Variants in EFCAB6 observed in about 807,000 individuals in gnomAD.
EFCAB6 encodes the protein EF-hand calcium-binding domain-containing protein 6.
Under a neutral mutation model 169.8 loss-of-function variants are expected in EFCAB6, and 156 were observed. That is an observed-to-expected ratio of 0.92 (90% CI 0.81 to 1.05). The LOEUF is 1.05. EFCAB6 is among the 50% of genes least tolerant of loss of function. The probability of loss-of-function intolerance (pLI) is 0.00; values close to 1 mark genes in which losing one functional copy is unlikely to be tolerated. For synonymous variants in EFCAB6, 698 were observed against 676.4 expected (o/e 1.03, Z -0.50); for missense variants, 1,800 against 1,829.1 (o/e 0.98, Z 0.29).
At chr22:43,805,573 G>GCTCT (rs1367840831) in intron 2 of EFCAB6, among the ~76,000 whole-genome samples, 1 of 152,206 alleles carries the variant, frequency 6.6e-6, no homozygotes, top group African/African-American at 2.4e-5. Flanking sequence ...AGAGGATGAA[G>GCTCT]AGAGGTTGAT....
intron 10 of EFCAB6, among the ~76,000 whole-genome samples, chr22:43,689,378 C>CACACAG (rs1030146132): frequency 3.3e-5 from 5 of 151,882 alleles, no homozygotes; most frequent in Non-Finnish European, 5.9e-5. Context: ...CACACACACA[C>CACACAG]AGCAGCATCT....
chr22:43,582,855 GA>G (rs1484381173), intron 24 of EFCAB6, among the ~76,000 whole-genome samples: 1 of 152,102 alleles, frequency 6.6e-6, no homozygotes, highest in African/African-American at 2.4e-5. Context: ...GATGGTTAAA[GA>G]AATCACCCCA....
intron 10 of EFCAB6, among the ~76,000 whole-genome samples, chr22:43,691,909 G>A (rs1360516666): frequency 6.6e-6 from 1 of 152,144 alleles, no homozygotes; most frequent in Non-Finnish European, 1.5e-5. Flanking sequence ...AGAACTGTGG[G>A]GGTGTGGTAT....
Position 43,554,972 on chromosome 22 carries a change from G to T in EFCAB6, c.3545C>A (p.Thr1182Asn), listed in dbSNP as rs1244145541. Residue 1182 changes from threonine to asparagine, a missense_variant, in exon 27 of 32, where the codon ACC becomes AAC. Thr to Asn is a moderately conservative substitution (Grantham distance 65, BLOSUM62 0). Transcript: ENST00000262726. The stretch of plus-strand genomic sequence containing the variant: ...GGTGTCAAAATTCTCAAACTCCTGG[G>T]TGATGGCATGGTAATGGGAAGTCAC... The part of the protein sequence containing the change: ...KAVTSHYHAI[T>N]QEFENFDTMK... The T allele has an allele frequency of 3.7e-6, 6 of 1,614,068 alleles. No individual in the cohort carries two copies. The highest frequency in any genetic ancestry group is 1.1e-5 in the South Asian group (1 of 91,086).
Position 43,615,895 on chromosome 22 carries a change from T to C in EFCAB6, c.2493A>G (p.Glu831=). 6.2e-7 allele frequency: 1 copy of C among 1,613,716 alleles called. No homozygotes were observed. Among genetic ancestry groups the C allele is most frequent in the Non-Finnish European group, 8.5e-7 (1 of 1,179,954 alleles). ...IRPKQKVADS[E]LACEQAHQYL... ...ACTGATGAGCCTGCTCACAAGCTAG[T>C]TCTGAATCCGCAACCTTCTGTTTTG... is the stretch of plus-strand genomic sequence containing the variant. The change falls in exon 21 of 32, where the codon GAA becomes GAG. Residue 831 remains glutamate, a synonymous_variant. Transcript: ENST00000262726.
At chr22:43,775,431 G>A (rs1038866999) in intron 3 of EFCAB6, among the ~76,000 whole-genome samples, 10 of 152,006 alleles carry the variant, frequency 6.6e-5, no homozygotes, top group South Asian at 4.1e-4. Flanking sequence ...AAGCTGCTAC[G>A]GCCTCTGCCT....
chr22:43,543,169 C>A (rs765728985), intron 27 of EFCAB6, among the ~76,000 whole-genome samples: 1 of 152,162 alleles, frequency 6.6e-6, no homozygotes, highest in African/African-American at 2.4e-5. Context: ...CAAGGAGAGC[C>A]GGACTTGCCA....
intron 10 of EFCAB6, among the ~76,000 whole-genome samples, chr22:43,707,676 C>A (rs2147336070): frequency 6.6e-6 from 1 of 152,164 alleles, no homozygotes; most frequent in Non-Finnish European, 1.5e-5. Flanking sequence ...AAGAGTAGGG[C>A]AAAATGAAGA....
chr22:43,547,751 G>GA lies in EFCAB6; in HGVS notation c.3648+7117dup, dbSNP rs571517877. On this transcript the variant is annotated intron_variant, in intron 27 of 31. Coordinates refer to ENST00000262726, the MANE Select transcript of EFCAB6 (RefSeq NM_022785.4). ...CTGCACTCAAGCCTGGGGAAAAAAAGAAAAAAAAAAAAACATAATCCAAAA... is the reference window on the plus strand; with the variant it reads ...CTGCACTCAAGCCTGGGGAAAAAAAGAAAAAAAAAAAAAACATAATCCAAAA... Among the ~76,000 whole-genome samples, 522 of 122,956 alleles carry GA rather than the reference G, an allele frequency of 4.2e-3. 2 individuals are homozygous for GA. Among genetic ancestry groups the GA allele is most frequent in the Middle Eastern group, 0.023 (5 of 214 alleles). 80.7% of individuals were successfully genotyped at this position (122,956 alleles called of 152,430 possible).
chr22:43,608,546 T>G lies in EFCAB6; in HGVS notation c.2617A>C (p.Lys873Gln). The change falls in exon 22 of 32, where the codon AAG (lysine) becomes CAG (glutamine). Residue 873 changes from lysine to glutamine, a missense_variant. Transcript: ENST00000262726. Reference sequence around the variant, plus strand: ...ATATCAAAACCGTACAGTGCGTTCTTTATGTCCCGGCGTCGAAGAATGCCA... The same window carrying G: ...ATATCAAAACCGTACAGTGCGTTCTGTATGTCCCGGCGTCGAAGAATGCCA... ...GNGILRRRDI[K>Q]NALYGFDIPL... 1 of 1,614,216 alleles carries G rather than the reference T, an allele frequency of 6.2e-7. No homozygotes were observed. Among genetic ancestry groups the G allele is most frequent in the Middle Eastern group, 1.6e-4 (1 of 6,062 alleles).
intron 6 of EFCAB6, among the ~76,000 whole-genome samples, chr22:43,743,474 G>A (rs983970423): frequency 5.9e-5 from 9 of 152,258 alleles, no homozygotes; most frequent in Non-Finnish European, 1.5e-5. Flanking sequence ...CCTGGGGAAA[G>A]CAGCCTGATT....
intron 17 of EFCAB6, among the ~76,000 whole-genome samples, chr22:43,651,610 C>T (rs953097691): frequency 5.3e-5 from 8 of 152,214 alleles, no homozygotes; most frequent in East Asian, 3.9e-4. Context: ...AACCCCAGAA[C>T]GGTAGATCCA....
intron 17 of EFCAB6, among the ~76,000 whole-genome samples, chr22:43,639,460 C>A (rs1330076032): frequency 6.6e-6 from 1 of 152,136 alleles, no homozygotes; most frequent in African/African-American, 2.4e-5. Context: ...TTTTCCTTTC[C>A]ATATGTTACT....
chr22:43,740,529 T>C (rs1030391991), intron 6 of EFCAB6, among the ~76,000 whole-genome samples: 1 of 152,228 alleles, frequency 6.6e-6, no homozygotes, highest in Non-Finnish European at 1.5e-5. Flanking sequence ...AATGTCATGA[T>C]GATTACAATA....
chr22:43,565,011 G>C (rs952606216), intron 26 of EFCAB6, among the ~76,000 whole-genome samples: 1 of 152,198 alleles, frequency 6.6e-6, no homozygotes, highest in Admixed American at 6.5e-5. Flanking sequence ...CATGCCCTTT[G>C]CCAGGGGGGG....
rs2049915448 is a variant in EFCAB6, at chr22:43,572,041, G to A, written c.3420+4256C>T. On this transcript the variant is annotated intron_variant, in intron 26 of 31. Coordinates refer to ENST00000262726, the MANE Select transcript of EFCAB6 (RefSeq NM_022785.4). The surrounding 1 kb of genome is among the most constrained non-coding windows in gnomAD (Gnocchi z 4.0). The stretch of plus-strand genomic sequence containing the variant: ...CCCAGAAAACAGATCGCACACTGAT[G>A]GGACAGGGCAGGAGGTGGCCGGTGC... Among the ~76,000 whole-genome samples, 1 of 152,332 alleles carries A rather than the reference G, an allele frequency of 6.6e-6. No homozygotes were observed. The highest frequency in any genetic ancestry group is 2.1e-4 in the South Asian group (1 of 4,828).
intron 2 of EFCAB6, among the ~76,000 whole-genome samples, chr22:43,798,221 T>C (rs1171233302): frequency 6.6e-6 from 1 of 151,972 alleles, no homozygotes; most frequent in African/African-American, 2.4e-5. Context: ...CCATCTCTAC[T>C]AAAAATACAA....
Position 43,537,471 on chromosome 22 carries a change from C to G in EFCAB6, c.3954G>C (p.Arg1318=). 1 of 1,614,148 alleles carries G rather than the reference C, an allele frequency of 6.2e-7. No homozygotes were observed. The highest frequency in any genetic ancestry group is 8.5e-7 in the Non-Finnish European group (1 of 1,180,026). ...QNCDPIESRL[R]KRIQGCWRQL... Reference sequence around the variant, plus strand: ...GGCGCCAGCAGCCCTGGATTCTCTTCCGGAGCCTGCTCTCTATGGGATCAC... The same window carrying G: ...GGCGCCAGCAGCCCTGGATTCTCTTGCGGAGCCTGCTCTCTATGGGATCAC... The change falls in exon 29 of 32, where the codon CGG becomes CGC. Residue 1318 remains arginine (R), a synonymous_variant. Coordinates refer to ENST00000262726, the MANE Select transcript of EFCAB6 (RefSeq NM_022785.4). This position sits in a 1 kb window ranked among gnomAD's most constrained non-coding sequence, Gnocchi z 4.3.
chr22:43,577,365 GC>G (rs1383153387), intron 25 of EFCAB6, among the ~76,000 whole-genome samples: 2 of 152,108 alleles, frequency 1.3e-5, no homozygotes, highest in Non-Finnish European at 2.9e-5. Flanking sequence ...AATTAGGCAC[GC>G]CCCATTGGCC....
Sources: gnomAD v4.1 joint callset for allele counts (sites outside exome capture counted in the v4.1 genomes callset) on GRCh38, gnomAD v4.1.1 for gene constraint, Gnocchi (gnomAD v3.1) non-coding constraint, MANE v1.5 for transcripts, NCBI Gene and HGNC (gene_info 2026-07-23, HGNC 2026-07-21) for gene names.